The following BCOR variants were observed in gnomAD, a reference collection of about 807,000 sequenced individuals.
BCOR encodes the protein BCL6 corepressor, also known as BCL-6 corepressor.
A neutral mutation model predicts 86.7 loss-of-function variants in BCOR; 10 were observed. The ratio of observed to expected loss-of-function variants is 0.12; its 90% CI spans 0.07 to 0.20. The LOEUF is 0.20. Ranked by LOEUF, BCOR falls within the 10% of genes least tolerant of loss-of-function variation. BCOR has a pLI of 1.00. For synonymous variants in BCOR, 611 were observed against 609.0 expected (o/e 1.00, Z -0.05); for missense variants, 1,259 against 1,452.1 (o/e 0.87, Z 2.16).
At chrX:40,086,262 C>A (rs775761559) in intron 1 of BCOR, among the ~76,000 whole-genome samples, 12 of 112,546 alleles carry the variant, frequency 1.1e-4, no homozygotes, top group African/African-American at 3.5e-4. Flanking sequence ...CAGAGGGGAA[C>A]AACGGCCTTC....
chrX:40,072,214 A>G (rs1048713413), intron 4 of BCOR, 135 bp downstream of exon 4: 14 of 642,404 alleles, frequency 2.2e-5, no homozygotes, highest in Middle Eastern at 4.8e-4. Flanking sequence ...GCCACATTGC[A>G]TATATTCAAA....
At position 40,072,469 on chromosome X, in the gene BCOR, T is replaced by C. The variant is rs763853464; in HGVS notation, c.2877A>G (p.Pro959=). The change falls in exon 4 of 15, where the codon CCA becomes CCG. Residue 959 remains proline (P), a synonymous_variant. Transcript: ENST00000378444. ...TGGCGATTCTCTTTGCCAGCTTAGA[T>C]GGCTTCGGTTTCAGAACTTTGCCAT... ...SNDGKVLKPK[P]SKLAKRIANS... is the part of the protein sequence containing the mutation. 10 of 1,210,312 alleles carry C rather than the reference T, an allele frequency of 8.3e-6. No individual in the cohort carries two copies. The highest frequency in any genetic ancestry group is 1.0e-5 in the Non-Finnish European group (9 of 895,257).
intron 4 of BCOR, 125 bp from the exon 5 acceptor site, chrX:40,071,815 T>G (rs887864555): frequency 2.4e-5 from 12 of 497,151 alleles, no homozygotes; most frequent in African/African-American, 1.9e-4. Context: ...TAATTAAAAG[T>G]AAAATATCTT....
intron 6 of BCOR, among the ~76,000 whole-genome samples, chrX:40,065,518 C>T (rs1184927385): frequency 8.9e-6 from 1 of 112,244 alleles, no homozygotes; most frequent in Non-Finnish European, 1.9e-5. Context: ...CTTGCAAAAC[C>T]GCTCGTTCCA....
chrX:40,101,654 C>G (rs1937076681), upstream of BCOR, among the ~76,000 whole-genome samples: 2 of 112,921 alleles, frequency 1.8e-5, no homozygotes, highest in Middle Eastern at 4.6e-3. Context: ...GGGCCTCTCC[C>G]ACACACCTCC....
At chrX:40,176,200 C>T (rs965096623) in intron 1 of BCOR, among the ~76,000 whole-genome samples, 2 of 112,996 alleles carry the variant, frequency 1.8e-5, no homozygotes, top group African/African-American at 6.4e-5. Context: ...GCCTTGCGGT[C>T]CTCGCCTGGC....
chrX:40,143,697 C>A (rs1289430101), intron 1 of BCOR, among the ~76,000 whole-genome samples: 2 of 112,943 alleles, frequency 1.8e-5, no homozygotes, highest in Non-Finnish European at 3.7e-5. Context: ...TGGCTCACGC[C>A]GGTAATCCCA....
chrX:40,168,206 C>T (rs1009868955), intron 1 of BCOR, among the ~76,000 whole-genome samples: 8 of 113,305 alleles, frequency 7.1e-5, no homozygotes, highest in African/African-American at 2.2e-4. Flanking sequence ...TCTTTTCTTC[C>T]GTCCTTTATG....
chrX:40,137,396 A>G (rs1473295005), intron 1 of BCOR, among the ~76,000 whole-genome samples: 2 of 109,465 alleles, frequency 1.8e-5, no homozygotes, highest in Non-Finnish European at 3.8e-5. Context: ...AAAAAATACA[A>G]AAATTGTCAC....
chrX:40,100,385 C>G (rs1002055539), upstream of BCOR, among the ~76,000 whole-genome samples: 1 of 112,222 alleles, frequency 8.9e-6, no homozygotes, highest in African/African-American at 3.2e-5. Flanking sequence ...GCCCGGCGCC[C>G]AGCCACCTTC....
intron 1 of BCOR, among the ~76,000 whole-genome samples, chrX:40,137,930 C>CG (rs1937719161): frequency 9.1e-6 from 1 of 110,466 alleles, no homozygotes; most frequent in South Asian, 3.8e-4. Context: ...GGGAAGTGGA[C>CG]GGGGGGCGAC....
chrX:40,064,300 A>G (rs1488655260), intron 7 of BCOR, 36 bp downstream of exon 7: 2 of 1,208,882 alleles, frequency 1.7e-6, no homozygotes, highest in East Asian at 3.0e-5. Context: ...GCAAAGGCCC[A>G]CCCCCCGGCA....
intron 1 of BCOR, among the ~76,000 whole-genome samples, chrX:40,173,629 G>A (rs1022486085): frequency 1.8e-5 from 2 of 112,270 alleles, no homozygotes; most frequent in Non-Finnish European, 3.8e-5. Flanking sequence ...TGGATAGGAG[G>A]GAGAGTCCTT....
chrX:40,103,173 T>C (rs776176016), intron 1 of BCOR, among the ~76,000 whole-genome samples: 1 of 110,565 alleles, frequency 9.0e-6, no homozygotes, highest in South Asian at 3.9e-4. Flanking sequence ...GGGAGGAGGC[T>C]AATGCATAAT....
At chrX:40,081,729 C>G (rs916992016) in intron 1 of BCOR, among the ~76,000 whole-genome samples, 1 of 112,903 alleles carries the variant, frequency 8.9e-6, no homozygotes, top group African/African-American at 3.2e-5. Context: ...CACCTTGGAT[C>G]TGGGGTTTAA....
At chrX:40,052,516 C>T in intron 14 of BCOR, 116 bp from the exon 15 acceptor site, 1 of 631,658 alleles carries the variant, frequency 1.6e-6, no homozygotes, top group Non-Finnish European at 2.5e-6. Context: ...CATTCTGCTC[C>T]CACCCCTCAT....
upstream of BCOR, among the ~76,000 whole-genome samples, chrX:40,099,776 A>G (rs1159052306): frequency 1.8e-5 from 2 of 112,231 alleles, no homozygotes; most frequent in Admixed American, 9.4e-5. Context: ...GAAGTGAAAC[A>G]TCTCTACCGT....
intron 1 of BCOR, among the ~76,000 whole-genome samples, chrX:40,132,596 G>T (rs1332467555): frequency 8.9e-6 from 1 of 111,875 alleles, no homozygotes; most frequent in East Asian, 2.8e-4. Context: ...TGTTTTAAGT[G>T]GCAAAGTTCT....
intron 1 of BCOR, among the ~76,000 whole-genome samples, chrX:40,145,247 T>G (rs368753890): frequency 9.0e-6 from 1 of 110,666 alleles, no homozygotes; most frequent in Admixed American, 9.5e-5. Context: ...GGCGAACAGC[T>G]CCGGACTGGG....
Sources: allele counts gnomAD v4.1 joint callset (sites outside exome capture counted in the v4.1 genomes callset), GRCh38; gene constraint gnomAD v4.1.1; transcripts MANE v1.5; gene names NCBI Gene and HGNC (gene_info 2026-07-23, HGNC 2026-07-21).